The following XYLT1 variants were observed in gnomAD, a reference collection of about 807,000 sequenced individuals.
XYLT1 encodes the protein xylosyltransferase 1.
XYLT1 carries 36 observed loss-of-function variants against 91.3 expected under a neutral mutation model. The ratio of observed to expected loss-of-function variants is 0.39; its 90% CI spans 0.30 to 0.52. The LOEUF is 0.52. Among genes scored for constraint, XYLT1 ranks in the 20% least tolerant of loss-of-function variants. The pLI is 0.68. For missense variants in XYLT1, 1,242 were observed against 1,284.5 expected, an observed-to-expected ratio of 0.97 and a Z score of 0.51; for synonymous variants, 588 against 532.0, an observed-to-expected ratio of 1.11 and a Z score of -1.45.
chr16:17,365,536 CCA>C (rs1438166227), intron 1 of XYLT1, among the ~76,000 whole-genome samples: 2 of 152,156 alleles, frequency 1.3e-5, no homozygotes, highest in Non-Finnish European at 2.9e-5. Flanking sequence ...AACAGAAACC[CCA>C]CAGAGAGAAC....
chr16:17,341,794 A>G (rs889430718), intron 2 of XYLT1, among the ~76,000 whole-genome samples: 1 of 152,164 alleles, frequency 6.6e-6, no homozygotes, highest in Non-Finnish European at 1.5e-5. Flanking sequence ...CGTATGCTCT[A>G]TCTCCTTTCA....
At chr16:17,317,679 A>C in intron 2 of XYLT1, among the ~76,000 whole-genome samples, 1 of 140,304 alleles carries the variant, frequency 7.1e-6, no homozygotes, top group Admixed American at 7.1e-5. Flanking sequence ...GCTAGTATTT[A>C]TGGTATGCAG....
rs182514180 is a variant in XYLT1 at position 17,325,796 on chromosome 16, G to T, written c.402+32216C>A. ...TACTTACTCTGTGTCTATGTGTACT[G>T]GGAGAAAGAGGATAATGAGAAATTT... On this transcript the variant is annotated intron_variant, in intron 2 of 11. Coordinates refer to ENST00000261381, the MANE Select transcript of XYLT1 (RefSeq NM_022166.4). 2.1e-3 allele frequency among the ~76,000 whole-genome samples: 325 copies of T among 152,256 alleles called. 3 individuals are homozygous for T. Among genetic ancestry groups the T allele is most frequent in the African/African-American group, 7.4e-3 (307 of 41,530 alleles).
chr16:17,223,060 G>C (rs1024880227), intron 3 of XYLT1, among the ~76,000 whole-genome samples: 8 of 151,442 alleles, frequency 5.3e-5, no homozygotes, highest in Non-Finnish European at 1.2e-4. Flanking sequence ...AAGAAAGGCT[G>C]ACATTTGTTA....
chr16:17,155,215 G>A (rs1035595550), intron 6 of XYLT1, among the ~76,000 whole-genome samples: 1 of 152,160 alleles, frequency 6.6e-6, no homozygotes, highest in Admixed American at 6.5e-5. Context: ...CTAGTGCTGT[G>A]AGTTTGAGCA....
At chr16:17,346,342 G>C (rs921266432) in intron 2 of XYLT1, among the ~76,000 whole-genome samples, 1 of 152,082 alleles carries the variant, frequency 6.6e-6, no homozygotes, top group African/African-American at 2.4e-5. Context: ...GTGTGCAGGG[G>C]ACAGGACAAA....
chr16:17,164,038 CAAAAAAAAAAAAAA>C lies in XYLT1; in HGVS notation c.1290-5143_1290-5130del, dbSNP rs57343034. On this transcript the variant is annotated intron_variant, in intron 5 of 11. Transcript: ENST00000261381. ...GGAAAACAAGAGCGAAACTCTGTCTCAAAAAAAAAAAAAAAAAAAAAAAAAAAAAAAGAAAGACT... is the reference window on the plus strand; with the variant it reads ...GGAAAACAAGAGCGAAACTCTGTCTCAAAAAAAAAAAAAAAAAGAAAGACT... Among the ~76,000 whole-genome samples the C allele has an allele frequency of 1.6e-3, 73 of 44,434 alleles. 1 individual carries two copies. In the South Asian group the frequency reaches 0.024, roughly 15 times the overall value. The allele number at this position is 44,434 out of a possible 152,430, so 29.2% of individuals were successfully genotyped here. A position where few individuals can be genotyped will look rare whatever the true frequency, so the allele number is the denominator to read the frequency against.
At chr16:17,389,981 G>A (rs1241536075) in intron 1 of XYLT1, among the ~76,000 whole-genome samples, 1 of 152,146 alleles carries the variant, frequency 6.6e-6, no homozygotes, top group Non-Finnish European at 1.5e-5. Context: ...GTCGTGCCCT[G>A]TACCTGCTTT....
At chr16:17,351,644 T>C (rs896223473) in intron 2 of XYLT1, among the ~76,000 whole-genome samples, 1 of 152,044 alleles carries the variant, frequency 6.6e-6, no homozygotes, top group East Asian at 1.9e-4. Context: ...GAAGTTGCAA[T>C]TGTATGGCTG....
At chr16:17,201,886 G>T (rs1335131863) in intron 3 of XYLT1, among the ~76,000 whole-genome samples, 1 of 152,108 alleles carries the variant, frequency 6.6e-6, no homozygotes. Flanking sequence ...CATTGCCAAG[G>T]GGGGATGAGG....
chr16:17,108,798 G>A lies in XYLT1; in HGVS notation c.2777C>T (p.Ala926Val). 6.2e-7 allele frequency: 1 copy of A among 1,611,786 alleles called. No individual in the cohort carries two copies. Among genetic ancestry groups the A allele is most frequent in the Non-Finnish European group, 8.5e-7 (1 of 1,179,886 alleles). Reference protein sequence around the residue: ...AMDICATGPTACPVMQTCSQT... With the variant: ...AMDICATGPTVCPVMQTCSQT... ...GCTGCAGGTCTGCATGACCGGGCAGGCTGTGGGGCCCGTGGCACAGATGTC... is the reference window on the plus strand; with the variant it reads ...GCTGCAGGTCTGCATGACCGGGCAGACTGTGGGGCCCGTGGCACAGATGTC... The change falls in exon 12 of 12, where the codon GCC (alanine) becomes GTC (valine). Residue 926 changes from alanine to valine, a missense_variant. By Grantham distance (64) the Ala-to-Val change is moderately conservative (BLOSUM62 0). Coordinates refer to ENST00000261381, the MANE Select transcript of XYLT1 (RefSeq NM_022166.4).
intron 3 of XYLT1, among the ~76,000 whole-genome samples, chr16:17,228,855 A>G (rs961804884): frequency 6.6e-6 from 1 of 152,188 alleles, no homozygotes; most frequent in Non-Finnish European, 1.5e-5. Context: ...GGCAGAGTAG[A>G]TTGTATCCTC....
chr16:17,269,792 TTTA>T lies in XYLT1; in HGVS notation c.403-10297_403-10295del, dbSNP rs60773820. On this transcript the variant is annotated intron_variant, in intron 2 of 11. Transcript: ENST00000261381. ...TCCCTCCCACCTCTCTCCTTCTCCC[TTTA>T]TTATTATTATTATTATTATTATTAT... is the stretch of plus-strand genomic sequence containing the variant. Among the ~76,000 whole-genome samples, 402 of 141,698 alleles carry T rather than the reference TTTA, an allele frequency of 2.8e-3. 3 individuals are homozygous for T. The highest frequency in any genetic ancestry group is 9.8e-3 in the African/African-American group (365 of 37,150). The allele number at this position is 141,698 out of a possible 152,430, so 93.0% of individuals were successfully genotyped here.
intron 5 of XYLT1, among the ~76,000 whole-genome samples, chr16:17,166,173 T>G (rs1174781526): frequency 6.6e-6 from 1 of 152,216 alleles, no homozygotes; most frequent in African/African-American, 2.4e-5. Context: ...GGAAAGGACC[T>G]TCTGTCAAGC....
chr16:17,343,932 G>A (rs1206011819), intron 2 of XYLT1, among the ~76,000 whole-genome samples: 3 of 152,150 alleles, frequency 2.0e-5, no homozygotes, highest in African/African-American at 2.4e-5. Context: ...ACAGGGAGGC[G>A]TTCAACCAGC....
At chr16:17,469,784 T>TA (rs1299748045) in intron 1 of XYLT1, among the ~76,000 whole-genome samples, 2 of 151,716 alleles carry the variant, frequency 1.3e-5, no homozygotes, top group South Asian at 2.1e-4. Flanking sequence ...GGGGAGGAGA[T>TA]AAAGTCACAG....
intron 1 of XYLT1, among the ~76,000 whole-genome samples, chr16:17,449,524 G>C (rs891915686): frequency 6.6e-6 from 1 of 152,200 alleles, no homozygotes; most frequent in Non-Finnish European, 1.5e-5. Flanking sequence ...TTATGCACAC[G>C]GGCTTGTGGG....
chr16:17,138,182 T>TTAGAACATCCCTG (rs2030824174), intron 8 of XYLT1, 173 bp downstream of exon 8: 17 of 707,556 alleles, frequency 2.4e-5, no homozygotes, highest in South Asian at 1.5e-4. Context: ...ATCCCTGAAG[T>TTAGAACATCCCTG]AAGTGCTCAA....
chr16:17,179,849 A>G (rs2141566513), intron 5 of XYLT1, among the ~76,000 whole-genome samples: 1 of 152,360 alleles, frequency 6.6e-6, no homozygotes, highest in South Asian at 2.1e-4. Flanking sequence ...ATGTGTTAAT[A>G]TAGATAAACA....
Sources: gnomAD v4.1 joint callset for allele counts (sites outside exome capture counted in the v4.1 genomes callset) on GRCh38, gnomAD v4.1.1 for gene constraint, MANE v1.5 for transcripts, NCBI Gene and HGNC (gene_info 2026-07-23, HGNC 2026-07-21) for gene names.